Variants in NRXN1 observed in about 807,000 individuals in gnomAD.
The protein encoded by NRXN1 is neurexin-1.
Under a neutral mutation model 150.9 loss-of-function variants are expected in NRXN1, and 39 were observed. That is an observed-to-expected ratio of 0.26 (90% CI 0.20 to 0.34). The LOEUF (loss-of-function observed/expected upper bound fraction) is 0.34, where lower values mean the gene tolerates loss of function less well. Ranked by LOEUF, NRXN1 falls within the 10% of genes least tolerant of loss-of-function variation. The probability of loss-of-function intolerance (pLI) is 1.00; values close to 1 mark genes in which losing one functional copy is unlikely to be tolerated. For synonymous variants in NRXN1, 924 were observed against 757.0 expected (o/e 1.22, Z -3.62); for missense variants, 1,815 against 1,949.9 (o/e 0.93, Z 1.30).
chr2:50,723,140 C>A (rs1040407013), intron 5 of NRXN1, among the ~76,000 whole-genome samples: 1 of 151,898 alleles, frequency 6.6e-6, no homozygotes, highest in African/African-American at 2.4e-5. Context: ...GGTGTAAATC[C>A]CTGAAAGTGT....
At chr2:50,220,690 C>CA (rs2063816703) in intron 18 of NRXN1, among the ~76,000 whole-genome samples, 2 of 151,906 alleles carry the variant, frequency 1.3e-5, no homozygotes, top group African/African-American at 4.8e-5. Flanking sequence ...TTGTGAATAC[C>CA]AAAATATATT....
chr2:50,963,899 G>C (rs1007983907), intron 2 of NRXN1: 41 of 351,474 alleles, frequency 1.2e-4, no homozygotes, highest in South Asian at 8.7e-4. Flanking sequence ...ATAAATATTT[G>C]TTTAATGAAT....
At chr2:50,119,907 A>G (rs1246400803) in intron 18 of NRXN1, among the ~76,000 whole-genome samples, 1 of 152,150 alleles carries the variant, frequency 6.6e-6, no homozygotes, top group Non-Finnish European at 1.5e-5. Flanking sequence ...GTATTGTAAA[A>G]AGTCTCTCTC....
At chr2:50,072,313 C>G (rs1015626438) in intron 19 of NRXN1, among the ~76,000 whole-genome samples, 2 of 152,108 alleles carry the variant, frequency 1.3e-5, no homozygotes, top group African/African-American at 2.4e-5. Flanking sequence ...ACAATAAAAG[C>G]AACTCTGCAT....
intron 17 of NRXN1, among the ~76,000 whole-genome samples, chr2:50,272,187 G>A (rs1458903395): frequency 3.3e-5 from 5 of 152,142 alleles, no homozygotes; most frequent in South Asian, 4.1e-4. Context: ...CGGAGAAAAC[G>A]TAGAAAACAA....
chr2:50,758,038 A>G (rs1174704964), intron 5 of NRXN1: 2 of 151,806 alleles, frequency 1.3e-5, no homozygotes, highest in Non-Finnish European at 1.5e-5. Context: ...AGAATGGATT[A>G]GATAGCTCTC....
At chr2:50,491,071 C>T (rs2091225433) in intron 15 of NRXN1, among the ~76,000 whole-genome samples, 1 of 152,174 alleles carries the variant, frequency 6.6e-6, no homozygotes, top group African/African-American at 2.4e-5. Flanking sequence ...TTAAGCTCAA[C>T]ATCACTCTTC....
intron 5 of NRXN1, among the ~76,000 whole-genome samples, chr2:50,914,556 C>A (rs1456586626): frequency 6.6e-6 from 1 of 151,566 alleles, no homozygotes; most frequent in Non-Finnish European, 1.5e-5. Context: ...AAACCTTTGA[C>A]CATCAGTGGT....
At chr2:50,097,813 A>AT in intron 18 of NRXN1, among the ~76,000 whole-genome samples, 3 of 152,082 alleles carry the variant, frequency 2.0e-5, no homozygotes. Flanking sequence ...CTAATAATGT[A>AT]TTTTTGGTAG....
intron 5 of NRXN1, among the ~76,000 whole-genome samples, chr2:50,696,496 A>G (rs1692886065): frequency 6.6e-6 from 1 of 152,182 alleles, no homozygotes; most frequent in African/African-American, 2.4e-5. Context: ...AGGTCGTGAT[A>G]AGGTAGAAGA....
At chr2:50,828,780 G>A (rs1226104148) in intron 5 of NRXN1, among the ~76,000 whole-genome samples, 2 of 150,140 alleles carry the variant, frequency 1.3e-5, no homozygotes, top group South Asian at 2.1e-4. Flanking sequence ...TCATGTCCCA[G>A]ACGATAGGCG....
chr2:50,319,707 T>G (rs1043732517), intron 17 of NRXN1, among the ~76,000 whole-genome samples: 2 of 151,718 alleles, frequency 1.3e-5, no homozygotes, highest in African/African-American at 4.8e-5. Flanking sequence ...TGGCAGACAG[T>G]GGCAGACAGT....
At chr2:50,720,992 T>C (rs911349820) in intron 5 of NRXN1, among the ~76,000 whole-genome samples, 5 of 152,136 alleles carry the variant, frequency 3.3e-5, no homozygotes, top group Admixed American at 1.3e-4. Context: ...TCTCGTCTGG[T>C]TCCTGGGAGT....
In NRXN1 at chr2:49,922,173, C is replaced by T. The variant is rs199514539; in HGVS notation, c.4295G>A (p.Gly1432Asp). ...AGCGGCTACTATCCCAACGACCATA[C>T]CCGTGGTGCTGCTGGACTCCCGGAT... is the stretch of plus-strand genomic sequence containing the variant. ...EVIRESSSTT[G>D]MVVGIVAAAA... Residue 1432 changes from glycine to aspartate, a missense_variant, in exon 23 of 23, where the codon GGT becomes GAT. Gly to Asp is a moderately conservative substitution (Grantham distance 94). Around this residue, in one of 6 missense-constraint regions of NRXN1, gnomAD observed 265 missense variants for 307.1 expected, o/e 0.86. Coordinates refer to ENST00000401669, the MANE Select transcript of NRXN1 (RefSeq NM_001330078.2). The T allele has an allele frequency of 1.9e-6, 3 of 1,614,128 alleles. No homozygotes were observed. The highest frequency in any genetic ancestry group is 1.7e-5 in the Admixed American group (1 of 60,022).
chr2:50,254,880 C>T (rs2067540424), intron 17 of NRXN1, among the ~76,000 whole-genome samples: 2 of 152,046 alleles, frequency 1.3e-5, no homozygotes, highest in African/African-American at 2.4e-5. Context: ...TATCGTGGTT[C>T]ACTGCAGGCT....
intron 21 of NRXN1, among the ~76,000 whole-genome samples, chr2:50,000,568 A>G (rs1281246599): frequency 6.6e-6 from 1 of 152,174 alleles, no homozygotes; most frequent in Non-Finnish European, 1.5e-5. Flanking sequence ...GAGGCATAAA[A>G]TAAGATAGTC....
intron 5 of NRXN1, among the ~76,000 whole-genome samples, chr2:50,707,783 T>C (rs528576706): frequency 4.2e-4 from 64 of 152,294 alleles, no homozygotes; most frequent in Middle Eastern, 3.4e-3. Context: ...GAAAAATGTT[T>C]CCGTCTTCAT....
intron 17 of NRXN1, among the ~76,000 whole-genome samples, chr2:50,365,390 G>A (rs933871287): frequency 1.3e-5 from 2 of 151,838 alleles, no homozygotes; most frequent in Non-Finnish European, 2.9e-5. Context: ...AATAATAAAG[G>A]AAAATAATAG....
At chr2:50,094,096 A>G (rs1203929199) in intron 18 of NRXN1, among the ~76,000 whole-genome samples, 1 of 152,238 alleles carries the variant, frequency 6.6e-6, no homozygotes, top group Non-Finnish European at 1.5e-5. Context: ...TAATTTTGGA[A>G]TAAATTGTAA....
Sources: allele counts gnomAD v4.1 joint callset (sites outside exome capture counted in the v4.1 genomes callset), GRCh38; gene constraint gnomAD v4.1.1; regional missense constraint gnomAD v4.1.1; transcripts MANE v1.5; gene names NCBI Gene and HGNC (gene_info 2026-07-23, HGNC 2026-07-21).